The following REDIC1 variants were observed in gnomAD, a reference collection of about 807,000 sequenced individuals.
The protein encoded by REDIC1 is HEI10 Interacting Protein 1.
chr12:39,809,761 G>T, the REDIC1 span, among the ~76,000 whole-genome samples: 1 of 151,972 alleles, frequency 6.6e-6, no homozygotes, highest in Non-Finnish European at 1.5e-5. Flanking sequence ...GCGGTGTTTG[G>T]TTTTTTTGTC....
chr12:39,647,704 C>G, the REDIC1 span: 2 of 995,542 alleles, frequency 2.0e-6, no homozygotes, highest in Non-Finnish European at 2.8e-6. Context: ...CTGCCCTTTT[C>G]ACTTATTTTA....
chr12:39,657,991 G>A, the REDIC1 span, among the ~76,000 whole-genome samples: 1 of 151,554 alleles, frequency 6.6e-6, no homozygotes, highest in Non-Finnish European at 1.5e-5. Context: ...ACTAATATAG[G>A]CATTTTAGGG....
the REDIC1 span, among the ~76,000 whole-genome samples, chr12:39,903,261 G>T: frequency 1.3e-5 from 2 of 152,072 alleles, no homozygotes; most frequent in African/African-American, 4.8e-5. Flanking sequence ...TTTCAGAAAT[G>T]GGCACTAATC....
the REDIC1 span, among the ~76,000 whole-genome samples, chr12:39,704,953 G>T: frequency 6.6e-6 from 1 of 152,042 alleles, no homozygotes. Context: ...GGATGGCATT[G>T]GGAGATATAC....
the REDIC1 span, among the ~76,000 whole-genome samples, chr12:39,840,444 T>A: frequency 2.6e-5 from 4 of 152,044 alleles, no homozygotes; most frequent in Admixed American, 2.6e-4. Context: ...ATCATACTCC[T>A]TTTATGGCAT....
the REDIC1 span, among the ~76,000 whole-genome samples, chr12:39,896,405 CATATAT>C: frequency 9.1e-6 from 1 of 110,404 alleles, no homozygotes; most frequent in African/African-American, 3.5e-5. Flanking sequence ...TATATGTATA[CATATAT>C]GTATGTATAT....
chr12:39,735,197 G>T, the REDIC1 span, among the ~76,000 whole-genome samples: 1 of 152,142 alleles, frequency 6.6e-6, no homozygotes, highest in Non-Finnish European at 1.5e-5. Context: ...TCTGAAGCTG[G>T]AAGAACCTTA....
the REDIC1 span, among the ~76,000 whole-genome samples, chr12:39,829,080 TAAGAG>T: frequency 0.053 from 8,101 of 152,160 alleles, 338 homozygotes; most frequent in Admixed American, 0.076. Context: ...GTAGACAAGA[TAAGAG>T]AATATTCTTT....
the REDIC1 span, chr12:39,760,293 G>T: frequency 9.2e-5 from 141 of 1,532,676 alleles, 1 homozygote; most frequent in South Asian, 5.6e-4. Flanking sequence ...TGAATATATA[G>T]AGAGAGGCTT....
chr12:39,865,332 T>C, the REDIC1 span, among the ~76,000 whole-genome samples: 1 of 152,226 alleles, frequency 6.6e-6, no homozygotes. Context: ...AGACTTAAAT[T>C]GGTAAACCTT....
chr12:39,753,326 A>C, the REDIC1 span, among the ~76,000 whole-genome samples: 1 of 150,636 alleles, frequency 6.6e-6, no homozygotes, highest in African/African-American at 2.5e-5. Context: ...TTTTGTTTGA[A>C]TCAGGTTTCA....
At chr12:39,716,744 C>G in the REDIC1 span, 32 of 1,579,256 alleles carry the variant, frequency 2.0e-5, no homozygotes, top group Middle Eastern at 1.7e-4. Flanking sequence ...TGTATTAAAC[C>G]TTTATTTTCA....
At chr12:39,835,148 G>A in the REDIC1 span, among the ~76,000 whole-genome samples, 1 of 151,990 alleles carries the variant, frequency 6.6e-6, no homozygotes, top group Non-Finnish European at 1.5e-5. Context: ...GGTCTATTTT[G>A]GTGAAAAGCA....
the REDIC1 span, among the ~76,000 whole-genome samples, chr12:39,688,537 T>A: frequency 6.6e-6 from 1 of 152,178 alleles, no homozygotes; most frequent in Non-Finnish European, 1.5e-5. Flanking sequence ...TTCTGGACAA[T>A]ACAAAAAGGT....
the REDIC1 span, among the ~76,000 whole-genome samples, chr12:39,812,925 G>A: frequency 7.0e-5 from 10 of 142,820 alleles, no homozygotes; most frequent in African/African-American, 1.6e-4. Context: ...TGCCTCCTGG[G>A]TTCAAGTGAT....
chr12:39,737,952 C>T, the REDIC1 span, among the ~76,000 whole-genome samples: 28 of 152,114 alleles, frequency 1.8e-4, no homozygotes, highest in Non-Finnish European at 3.2e-4. Flanking sequence ...TAACTATGCA[C>T]ATAAAATTCT....
the REDIC1 span, among the ~76,000 whole-genome samples, chr12:39,772,296 T>C: frequency 1.8e-4 from 28 of 152,264 alleles, no homozygotes; most frequent in South Asian, 5.4e-3. Flanking sequence ...GTCTCAATTT[T>C]CTTGTAAAAT....
chr12:39,632,055 A>ATAT, the REDIC1 span, among the ~76,000 whole-genome samples: 29 of 150,966 alleles, frequency 1.9e-4, no homozygotes, highest in African/African-American at 6.6e-4. Context: ...AAATTTGTAT[A>ATAT]TATATATATA....
At chr12:39,813,581 C>T in the REDIC1 span, among the ~76,000 whole-genome samples, 1 of 152,126 alleles carries the variant, frequency 6.6e-6, no homozygotes, top group South Asian at 2.1e-4. Flanking sequence ...TTCTTAAGAA[C>T]ATCAAACAGC....
Sources: allele counts gnomAD v4.1 joint callset (sites outside exome capture counted in the v4.1 genomes callset), GRCh38; gene constraint gnomAD v4.1.1; transcripts MANE v1.5; gene names NCBI Gene and HGNC (gene_info 2026-07-23, HGNC 2026-07-21).